Variants in BANK1 observed in about 807,000 individuals in gnomAD.
BANK1 encodes the protein B cell scaffold protein with ankyrin repeats 1.
BANK1 carries 95 observed loss-of-function variants against 94.5 expected under a neutral mutation model. The ratio of observed to expected loss-of-function variants is 1.00; its 90% CI spans 0.85 to 1.19. The LOEUF (loss-of-function observed/expected upper bound fraction) is 1.19. Among genes scored for constraint, BANK1 ranks in the 50% most tolerant of loss-of-function variants. BANK1 has a pLI of 0.00. For missense variants in BANK1, 987 were observed against 932.2 expected (o/e 1.06, Z -0.77); for synonymous variants, 334 against 308.4 (o/e 1.08, Z -0.87).
chr4:101,808,737 C>A (rs560268706), intron 1 of BANK1, among the ~76,000 whole-genome samples: 4 of 151,782 alleles, frequency 2.6e-5, no homozygotes, highest in African/African-American at 4.8e-5. Flanking sequence ...AAATAGCCAA[C>A]AAACATATGA....
chr4:101,825,264 G>A (rs1726320035), intron 1 of BANK1, among the ~76,000 whole-genome samples: 2 of 152,056 alleles, frequency 1.3e-5, no homozygotes, highest in South Asian at 4.1e-4. Flanking sequence ...TATAATGACA[G>A]TAACCCTCCT....
At chr4:101,893,962 A>G (rs1721971475) in intron 5 of BANK1, among the ~76,000 whole-genome samples, 1 of 152,032 alleles carries the variant, frequency 6.6e-6, no homozygotes, top group Non-Finnish European at 1.5e-5. Flanking sequence ...TAACCAGGCC[A>G]TGCATATGAT....
At chr4:101,936,404 T>C (rs577213197) in intron 7 of BANK1, among the ~76,000 whole-genome samples, 1 of 150,204 alleles carries the variant, frequency 6.7e-6, no homozygotes, top group South Asian at 2.1e-4. Context: ...TGTATATATG[T>C]GCGTATGCAT....
At chr4:101,964,712 T>C (rs1323014673) in intron 7 of BANK1, among the ~76,000 whole-genome samples, 1 of 152,062 alleles carries the variant, frequency 6.6e-6, no homozygotes, top group Non-Finnish European at 1.5e-5. Context: ...GCTCAGCTAT[T>C]TTTTCCATTA....
intron 7 of BANK1, among the ~76,000 whole-genome samples, chr4:101,929,931 T>C (rs1269418171): frequency 6.6e-6 from 1 of 151,498 alleles, no homozygotes; most frequent in Admixed American, 6.6e-5. Flanking sequence ...AATATCACGT[T>C]ATATAAATAA....
At chr4:101,929,719 C>A (rs1242675809) in intron 7 of BANK1, among the ~76,000 whole-genome samples, 1 of 151,408 alleles carries the variant, frequency 6.6e-6, no homozygotes, top group Non-Finnish European at 1.5e-5. Context: ...CCAGAGATTG[C>A]ATTTAGCAAC....
chr4:101,871,294 A>C (rs893396432), intron 5 of BANK1, among the ~76,000 whole-genome samples: 21 of 152,042 alleles, frequency 1.4e-4, no homozygotes, highest in African/African-American at 5.1e-4. Context: ...TATTTGTCTC[A>C]GTTTTTTGCG....
In BANK1 at chr4:101,891,381, A is replaced by C. The variant is rs192500394; in HGVS notation, c.904-3924A>C. Reference sequence around the variant, plus strand: ...TCTAATTGTTTTTACCATATAGATAAAGTTTTATTTATTTTTCACTTTTTT... The same window carrying C: ...TCTAATTGTTTTTACCATATAGATACAGTTTTATTTATTTTTCACTTTTTT... On this transcript the variant is annotated intron_variant, in intron 5 of 16. Coordinates refer to ENST00000322953, the MANE Select transcript of BANK1 (RefSeq NM_017935.5). Among the ~76,000 whole-genome samples, 272 of 152,176 alleles carry C rather than the reference A, an allele frequency of 1.8e-3. 2 individuals carry two copies. The highest frequency in any genetic ancestry group is 6.4e-3 in the African/African-American group (267 of 41,562).
At chr4:101,927,897 G>A (rs957715985) in intron 7 of BANK1, among the ~76,000 whole-genome samples, 1 of 151,638 alleles carries the variant, frequency 6.6e-6, no homozygotes, top group Non-Finnish European at 1.5e-5. Flanking sequence ...AGCAGCATTT[G>A]AGGTAGGAAG....
chr4:101,794,786 T>C (rs1178677058), intron 1 of BANK1, among the ~76,000 whole-genome samples: 3 of 152,172 alleles, frequency 2.0e-5, no homozygotes, highest in African/African-American at 7.2e-5. Context: ...TGCACTGAAA[T>C]AATCCAGAAA....
At chr4:102,021,484 G>T in intron 7 of BANK1, 30 bp from the exon 8 acceptor site, 1 of 991,028 alleles carries the variant, frequency 1.0e-6, no homozygotes, top group Non-Finnish European at 1.5e-6. Flanking sequence ...TAAGATTAAT[G>T]CATATTATTA....
intron 7 of BANK1, among the ~76,000 whole-genome samples, chr4:101,931,540 A>C (rs1207193280): frequency 1.3e-5 from 2 of 151,646 alleles, no homozygotes; most frequent in East Asian, 3.9e-4. Context: ...CTAGCTTGCC[A>C]GCTGCAGATG....
At chr4:101,931,842 A>G (rs1428848095) in intron 7 of BANK1, among the ~76,000 whole-genome samples, 1 of 151,410 alleles carries the variant, frequency 6.6e-6, no homozygotes, top group Non-Finnish European at 1.5e-5. Flanking sequence ...AGGGCTGGAG[A>G]TGAAGTGAGA....
At chr4:101,818,540 T>G (rs1726009574) in intron 1 of BANK1, among the ~76,000 whole-genome samples, 1 of 152,140 alleles carries the variant, frequency 6.6e-6, no homozygotes, top group Non-Finnish European at 1.5e-5. Flanking sequence ...TGTAGTACAG[T>G]AGTCCCCCTT....
intron 7 of BANK1, among the ~76,000 whole-genome samples, chr4:101,919,805 G>A (rs937877452): frequency 3.9e-5 from 6 of 151,960 alleles, no homozygotes; most frequent in Non-Finnish European, 8.8e-5. Context: ...GACTGTAGCT[G>A]TTGCAAGTGC....
In BANK1 at chr4:102,038,137, C is replaced by T. The variant is rs184931907; in HGVS notation, c.1901-5702C>T. ...AACTCTAATGTTTGTTCAAAGTGAG[C>T]ATAATCAAATAGCTGATCTTTAAAT... On this transcript the variant is annotated intron_variant, in intron 10 of 16. Transcript: ENST00000322953. Among the ~76,000 whole-genome samples the T allele has an allele frequency of 7.9e-5, 12 of 152,178 alleles. No individual in the cohort carries two copies. The East Asian group carries it at 2.3e-3, about 30-fold the overall frequency.
intron 13 of BANK1, among the ~76,000 whole-genome samples, chr4:102,066,395 T>A (rs1293424344): frequency 6.6e-6 from 1 of 151,150 alleles, no homozygotes; most frequent in Non-Finnish European, 1.5e-5. Context: ...TAGCTGAGAC[T>A]ACAGGCACCC....
intron 1 of BANK1, among the ~76,000 whole-genome samples, chr4:101,791,172 G>T (rs1233084494): frequency 6.8e-6 from 1 of 148,058 alleles, no homozygotes; most frequent in African/African-American, 2.4e-5. Context: ...GAGCGCGCTG[G>T]GAGTTCTGGC....
At chr4:101,945,235 A>G (rs1371995440) in intron 7 of BANK1, among the ~76,000 whole-genome samples, 1 of 151,958 alleles carries the variant, frequency 6.6e-6, no homozygotes, top group Non-Finnish European at 1.5e-5. Flanking sequence ...ATTATGACAA[A>G]TGGATTTAAC....
Sources: allele counts gnomAD v4.1 joint callset (sites outside exome capture counted in the v4.1 genomes callset), GRCh38; gene constraint gnomAD v4.1.1; transcripts MANE v1.5; gene names NCBI Gene and HGNC (gene_info 2026-07-23, HGNC 2026-07-21).